EIF2D: variants seen among roughly 807,000 people sequenced by gnomAD.
The protein encoded by EIF2D is eukaryotic translation initiation factor 2D.
EIF2D carries 56 observed loss-of-function variants against 77.4 expected under a neutral mutation model. The ratio of observed to expected loss-of-function variants is 0.72; its 90% CI spans 0.58 to 0.90. EIF2D has a LOEUF of 0.90. EIF2D is among the 40% of genes least tolerant of loss of function. The probability of loss-of-function intolerance (pLI) is 0.00; values close to 1 mark genes in which losing one functional copy is unlikely to be tolerated. For synonymous variants in EIF2D, 230 were observed against 271.0 expected (o/e 0.85, Z 1.49); for missense variants, 574 against 706.5 (o/e 0.81, Z 2.13).
At chr1:206,585,268 A>T in intron 2 of EIF2D, 9 of 1,614,048 alleles carry the variant, frequency 5.6e-6, no homozygotes, top group Non-Finnish European at 7.6e-6. Context: ...GCTTTGTGCT[A>T]AAGGAGAATG....
At chr1:206,598,661 A>G (rs1669768226) in intron 11 of EIF2D, among the ~76,000 whole-genome samples, 1 of 152,232 alleles carries the variant, frequency 6.6e-6, no homozygotes, top group Admixed American at 6.5e-5. Context: ...ATATGTACAA[A>G]TATCTATCAA....
intron 13 of EIF2D, chr1:206,594,602 A>C (rs529155127): frequency 6.6e-6 from 1 of 152,340 alleles, no homozygotes; most frequent in South Asian, 2.1e-4. Flanking sequence ...AATGAGCTCC[A>C]GACCCAGAAA....
At chr1:206,590,744 T>G (rs1406471241), downstream of EIF2D, among the ~76,000 whole-genome samples, 1 of 152,162 alleles carries the variant, frequency 6.6e-6, no homozygotes, top group East Asian at 1.9e-4. Context: ...GTGGATATTG[T>G]GGATATTTTT....
In EIF2D at chr1:206,579,688, C is replaced by T. The variant is rs1472833978; in HGVS notation, c.*254+1004G>A. ...TTTTAAAATTCCCATGCCCAGACTG[C>T]ACCCCAGACCAATTAAATCAGAATC... On this transcript the variant is annotated intron_variant and NMD_transcript_variant, in intron 4 of 5. Transcript: ENST00000472709. The surrounding 1 kb of genome is among the most constrained non-coding windows in gnomAD (Gnocchi z 4.2). Among the ~76,000 whole-genome samples, 1 of 152,200 alleles carries T rather than the reference C, an allele frequency of 6.6e-6. No homozygotes were observed. The highest frequency in any genetic ancestry group is 2.1e-4 in the South Asian group (1 of 4,832).
At chr1:206,610,472 T>G (rs1553413666) in intron 2 of EIF2D, among the ~76,000 whole-genome samples, 1 of 152,064 alleles carries the variant, frequency 6.6e-6, no homozygotes, top group Non-Finnish European at 1.5e-5. Context: ...TTAGCTACGA[T>G]CACACCACTG....
chr1:206,583,960 T>C (rs1668996092), intron 2 of EIF2D, among the ~76,000 whole-genome samples: 1 of 152,182 alleles, frequency 6.6e-6, no homozygotes, highest in Non-Finnish European at 1.5e-5. Flanking sequence ...AGGCTGTTTC[T>C]TAGTAAAGAG....
downstream of EIF2D, among the ~76,000 whole-genome samples, chr1:206,570,732 TCCTTC>T (rs1668424970): frequency 6.6e-6 from 1 of 152,166 alleles, no homozygotes; most frequent in Non-Finnish European, 1.5e-5. Flanking sequence ...TGTCAGAATT[TCCTTC>T]CCTTTCAAGG....
chr1:206,595,276 G>A (rs917815152), intron 13 of EIF2D: 1 of 152,954 alleles, frequency 6.5e-6, no homozygotes, highest in South Asian at 2.0e-4. Flanking sequence ...ACTTTGCCAG[G>A]GGACAGCTTT....
Position 206,599,691 on chromosome 1 carries a change from C to T in EIF2D, c.1052+42G>A. On this transcript the variant is annotated intron_variant, in intron 9 of 14. Coordinates refer to ENST00000271764, the MANE Select transcript of EIF2D (RefSeq NM_006893.3). The surrounding 1 kb of genome is among the most constrained non-coding windows in gnomAD (Gnocchi z 4.1). ...ATCCCCAGTCCGTGGCCCAGGTGCC[C>T]TGGGGCCAGCTGGGCTACAGTGACA... The T allele has an allele frequency of 6.2e-7, 1 of 1,613,604 alleles. No individual in the cohort carries two copies. The highest frequency in any genetic ancestry group is 8.5e-7 in the Non-Finnish European group (1 of 1,179,700).
chr1:206,600,527 A>T (rs1469462688), intron 7 of EIF2D: 3 of 508,094 alleles, frequency 5.9e-6, no homozygotes, highest in African/African-American at 1.9e-5. Flanking sequence ...TAGACGTGGA[A>T]TGTTCTCTGT....
chr1:206,574,805 G>A (rs1192926012), intron 4 of EIF2D, among the ~76,000 whole-genome samples: 5 of 151,826 alleles, frequency 3.3e-5, no homozygotes, highest in Non-Finnish European at 5.9e-5. Flanking sequence ...GGCCCCATAG[G>A]GATTCCTCTT....
At chr1:206,609,231 G>A in intron 3 of EIF2D, 145 bp downstream of exon 3, 1 of 725,648 alleles carries the variant, frequency 1.4e-6, no homozygotes, top group Non-Finnish European at 2.3e-6. Flanking sequence ...TGTGGAACCA[G>A]CCAAGTGAGA....
chr1:206,581,884 G>C (rs1385325016), intron 2 of EIF2D, among the ~76,000 whole-genome samples: 6 of 152,102 alleles, frequency 3.9e-5, no homozygotes, highest in Non-Finnish European at 8.8e-5. Flanking sequence ...GTCACGGAGG[G>C]GGGGCCCTGT....
chr1:206,580,731 G>C (rs1280033526), exon 4 of EIF2D: 4 of 152,242 alleles, frequency 2.6e-5, no homozygotes, highest in African/African-American at 9.7e-5. Flanking sequence ...CTTGCCCTTG[G>C]GTGGTCTGCA....
At chr1:206,610,756 G>C (rs1670439315) in intron 2 of EIF2D, among the ~76,000 whole-genome samples, 1 of 152,140 alleles carries the variant, frequency 6.6e-6, no homozygotes, top group African/African-American at 2.4e-5. Flanking sequence ...AGGAGGCGGA[G>C]CTTGCAGTGA....
chr1:206,580,175 T>C (rs1166839268), intron 4 of EIF2D, among the ~76,000 whole-genome samples: 1 of 152,152 alleles, frequency 6.6e-6, no homozygotes, highest in Non-Finnish European at 1.5e-5. Context: ...GTCTATCTGC[T>C]GAAGAAAGGG....
At chr1:206,598,423 G>A (rs1669753551) in intron 11 of EIF2D, among the ~76,000 whole-genome samples, 1 of 152,026 alleles carries the variant, frequency 6.6e-6, no homozygotes, top group African/African-American at 2.4e-5. Flanking sequence ...TACCATAATG[G>A]GTACAAATAT....
chr1:206,587,006 C>T (rs371045571), downstream of EIF2D: 54 of 1,613,194 alleles, frequency 3.3e-5, no homozygotes, highest in East Asian at 3.1e-4. Flanking sequence ...CCTCCTGGTG[C>T]ATTCAGATTT....
At position 206,611,179 on chromosome 1, in the gene EIF2D, C is replaced by A; in HGVS notation, c.247+5G>T. 1 of 1,609,132 alleles carries A rather than the reference C, an allele frequency of 6.2e-7. No individual in the cohort carries two copies. Among genetic ancestry groups the A allele is most frequent in the Non-Finnish European group, 8.5e-7 (1 of 1,176,392 alleles). ...GTAATGGCCATCTTCGTCCTGTTGT[C>A]ATACCTGTTGGATACAGATTTTTCT... On this transcript the variant is annotated splice_donor_5th_base_variant and intron_variant, in intron 2 of 14. Transcript: ENST00000271764.
Sources: gnomAD v4.1 joint callset for allele counts (sites outside exome capture counted in the v4.1 genomes callset) on GRCh38, gnomAD v4.1.1 for gene constraint, Gnocchi (gnomAD v3.1) non-coding constraint, MANE v1.5 for transcripts, NCBI Gene and HGNC (gene_info 2026-07-23, HGNC 2026-07-21) for gene names.